SYNE2: variants seen among roughly 807,000 people sequenced by gnomAD.
SYNE2 encodes nesprin-2.
Under a neutral mutation model 856.3 loss-of-function variants are expected in SYNE2, and 431 were observed. The ratio of observed to expected loss-of-function variants is 0.50; its 90% CI spans 0.47 to 0.55. SYNE2 has a LOEUF of 0.55. Ranked by LOEUF, SYNE2 falls within the 20% of genes least tolerant of loss-of-function variation. SYNE2 has a pLI of 0.00. For synonymous variants in SYNE2, 2,923 were observed against 2,872.3 expected (o/e 1.02, Z -0.56); for missense variants, 8,129 against 8,023.2 (o/e 1.01, Z -0.50).
At chr14:64,155,203 T>A (rs1241404817) in intron 85 of SYNE2, among the ~76,000 whole-genome samples, 8 of 152,296 alleles carry the variant, frequency 5.3e-5, no homozygotes, top group Non-Finnish European at 1.2e-4. Flanking sequence ...AGCCAGAAAG[T>A]GTAAACAACC....
At position 64,208,787 on chromosome 14, in the gene SYNE2, C is replaced by T. The variant is rs747245462; in HGVS notation, c.18231C>T (p.Ser6077=). 48 of 1,614,078 alleles carry T rather than the reference C, an allele frequency of 3.0e-5. No individual in the cohort carries two copies. The highest frequency in any genetic ancestry group is 3.8e-5 in the Non-Finnish European group (45 of 1,180,048). Residue 6077 remains serine (S), a synonymous_variant, in exon 101 of 116, where the codon AGC becomes AGT. Transcript: ENST00000555002. Reference sequence around the variant, plus strand: ...TACAGCGAGATATTGAACAACACAGCGCAGGGGTGGAGTCCGTGTTTAACA... The same window carrying T: ...TACAGCGAGATATTGAACAACACAGTGCAGGGGTGGAGTCCGTGTTTAACA... ...QDLQRDIEQH[S]AGVESVFNIC...
At chr14:64,156,633 A>G (rs943169980) in intron 85 of SYNE2, among the ~76,000 whole-genome samples, 15 of 151,758 alleles carry the variant, frequency 9.9e-5, no homozygotes, top group Non-Finnish European at 2.1e-4. Flanking sequence ...TAATTTTTGT[A>G]TTATTAGTAG....
At chr14:63,842,997 G>A (rs1356803606) in intron 1 of SYNE2, among the ~76,000 whole-genome samples, 1 of 151,888 alleles carries the variant, frequency 6.6e-6, no homozygotes, top group Non-Finnish European at 1.5e-5. Context: ...CTTGTTGTTT[G>A]ATATGTATGA....
At chr14:63,936,279 G>T (rs1235253537) in intron 2 of SYNE2, among the ~76,000 whole-genome samples, 1 of 152,224 alleles carries the variant, frequency 6.6e-6, no homozygotes, top group Non-Finnish European at 1.5e-5. Flanking sequence ...TGCCTGTGTT[G>T]TGGTGCGTAA....
At chr14:64,175,184 A>G (rs778269890) in intron 95 of SYNE2, 46 bp downstream of exon 95, 2 of 1,603,742 alleles carry the variant, frequency 1.2e-6, no homozygotes, top group Non-Finnish European at 1.7e-6. Context: ...CAAATTCAGT[A>G]CATAGATTTT....
rs1461224018 is a variant in SYNE2 at position 64,126,590 on chromosome 14, C to T, written c.13708-8C>T. On this transcript the variant is annotated splice_region_variant and splice_polypyrimidine_tract_variant and intron_variant, in intron 72 of 115. Transcript: ENST00000555002. Reference sequence around the variant, plus strand: ...CTCATTCATTGTCTTCCTTCCTCTCCACTCCAGACGCTGGCTCTTGAGTTG... The same window carrying T: ...CTCATTCATTGTCTTCCTTCCTCTCTACTCCAGACGCTGGCTCTTGAGTTG... 2 of 1,614,214 alleles carry T rather than the reference C, an allele frequency of 1.2e-6. No individual in the cohort carries two copies. The highest frequency in any genetic ancestry group is 2.2e-5 in the East Asian group (1 of 44,888).
chr14:63,868,656 T>G (rs1896065962), intron 1 of SYNE2, among the ~76,000 whole-genome samples: 1 of 152,150 alleles, frequency 6.6e-6, no homozygotes, highest in South Asian at 2.1e-4. Flanking sequence ...CAATTATCTC[T>G]AGGAAGAGAG....
chr14:64,154,178 A>T (rs1305407162), intron 85 of SYNE2, among the ~76,000 whole-genome samples: 2 of 151,958 alleles, frequency 1.3e-5, no homozygotes, highest in African/African-American at 4.8e-5. Flanking sequence ...TAAAAAAAAA[A>T]AAAAAGACAC....
chr14:64,059,788 G>A (rs192725242), intron 49 of SYNE2, among the ~76,000 whole-genome samples: 1 of 152,338 alleles, frequency 6.6e-6, no homozygotes, highest in Non-Finnish European at 1.5e-5. Flanking sequence ...ACCTAGGTGA[G>A]TTCAGATATG....
chr14:64,062,843 C>T lies in SYNE2; in HGVS notation c.10160C>T (p.Ser3387Phe), dbSNP rs1302550873. The T allele has an allele frequency of 2.5e-6, 4 of 1,614,136 alleles. No individual in the cohort carries two copies. In the Admixed American group the frequency reaches 5.0e-5, roughly 20 times the overall value. Residue 3387 changes from serine (S) to phenylalanine (F), a missense_variant, in exon 50 of 116, where the codon TCC (serine) becomes TTC (phenylalanine). Coordinates refer to ENST00000555002, the MANE Select transcript of SYNE2 (RefSeq NM_182914.3). The stretch of plus-strand genomic sequence containing the variant: ...GAGACAGTTCTTGGACAGTCCATGT[C>T]CTCGTTGCCACTGTCTTACAGAGAA... ...KMETVLGQSM[S>F]SLPLSYREAL... is the part of the protein sequence containing the mutation.
chr14:63,974,802 A>ATG, intron 11 of SYNE2, among the ~76,000 whole-genome samples: 1 of 94,618 alleles, frequency 1.1e-5, no homozygotes, highest in South Asian at 3.5e-4. Flanking sequence ...ATGTGTATAT[A>ATG]TGTGTATATA....
intron 78 of SYNE2, 41 bp from the exon 79 acceptor site, chr14:64,137,746 A>T: frequency 6.2e-7 from 1 of 1,606,070 alleles, no homozygotes; most frequent in East Asian, 2.2e-5. Flanking sequence ...GGCAGACTTT[A>T]TTTTCTAAAT....
chr14:63,998,852 T>A (rs1273263570), intron 26 of SYNE2, 62 bp from the exon 27 acceptor site: 1 of 1,596,674 alleles, frequency 6.3e-7, no homozygotes. Context: ...TGTGAGCCAC[T>A]GCGCTTGGCC....
At chr14:64,216,449 A>G in intron 108 of SYNE2, 62 bp downstream of exon 108, 6 of 1,584,622 alleles carry the variant, frequency 3.8e-6, no homozygotes, top group Non-Finnish European at 5.2e-6. Context: ...CATTTGCAAG[A>G]GAGAGAGATT....
intron 38 of SYNE2, chr14:64,023,812 C>T (rs1378643188): frequency 8.4e-6 from 2 of 238,568 alleles, no homozygotes; most frequent in African/African-American, 2.3e-5. Context: ...ATAGAATCAC[C>T]CCTCTTCTAA....
intron 1 of SYNE2, among the ~76,000 whole-genome samples, chr14:63,835,910 G>A (rs1227141728): frequency 6.6e-6 from 1 of 151,486 alleles, no homozygotes. Context: ...TTAAACCTGG[G>A]AGGCAGAGGT....
chr14:63,859,353 C>T (rs1009311018), intron 1 of SYNE2, among the ~76,000 whole-genome samples: 2 of 152,024 alleles, frequency 1.3e-5, no homozygotes, highest in African/African-American at 4.8e-5. Flanking sequence ...TTTTTCCCTT[C>T]TACTTTTGGG....
rs902988182 is a variant in SYNE2 at position 64,113,488 on chromosome 14, C to G, written c.12757C>G (p.Gln4253Glu). ...TQVAELELWL[Q>E]QANVAVEPET... is the part of the protein sequence containing the mutation. ...GGTGGCCGAGCTGGAGCTGTGGCTG[C>G]AACAAGCCAACGTGGCAGTTGAGCC... Residue 4253 changes from glutamine to glutamate, a missense_variant, in exon 66 of 116, where the codon CAA becomes GAA. Physicochemically the swap from Gln to Glu is conservative, Grantham distance 29. Transcript: ENST00000555002. The G allele has an allele frequency of 6.2e-7, 1 of 1,614,116 alleles. No homozygotes were observed. The highest frequency in any genetic ancestry group is 1.3e-5 in the African/African-American group (1 of 75,044).
At chr14:64,067,289 C>T (rs2153595214) in intron 51 of SYNE2, among the ~76,000 whole-genome samples, 1 of 152,216 alleles carries the variant, frequency 6.6e-6, no homozygotes, top group Non-Finnish European at 1.5e-5. Flanking sequence ...GAGCACTATT[C>T]AAGAATTCTG....
Sources: gnomAD v4.1 joint callset for allele counts (sites outside exome capture counted in the v4.1 genomes callset) on GRCh38, gnomAD v4.1.1 for gene constraint, MANE v1.5 for transcripts, NCBI Gene and HGNC (gene_info 2026-07-23, HGNC 2026-07-21) for gene names.